Variants in CMSS1 observed in about 807,000 individuals in gnomAD.
CMSS1 encodes protein CMSS1.
In CMSS1, 33 loss-of-function variants were observed where a neutral mutation model predicts 43.5. The observed-to-expected ratio is 0.76, with a 90% CI of 0.57 to 1.01. The LOEUF (loss-of-function observed/expected upper bound fraction) is 1.01. Ranked by LOEUF, CMSS1 falls within the 50% of genes least tolerant of loss-of-function variation. The pLI is 0.00. For missense variants in CMSS1, 313 were observed against 326.4 expected (o/e 0.96, Z 0.32); for synonymous variants, 115 against 117.2 (o/e 0.98, Z 0.12).
chr3:99,921,705 A>G (rs1335991233), intron 1 of CMSS1, among the ~76,000 whole-genome samples: 1 of 152,226 alleles, frequency 6.6e-6, no homozygotes, highest in Non-Finnish European at 1.5e-5. Context: ...AGAATCCTAT[A>G]AAGGAAACTT....
intron 6 of CMSS1, among the ~76,000 whole-genome samples, chr3:100,170,955 C>T (rs2067104860): frequency 6.6e-6 from 1 of 152,168 alleles, no homozygotes; most frequent in Non-Finnish European, 1.5e-5. Context: ...TCAGATTGCA[C>T]ATATAAAAAT....
At chr3:100,068,883 T>G (rs2065713558) in intron 1 of CMSS1, among the ~76,000 whole-genome samples, 1 of 152,190 alleles carries the variant, frequency 6.6e-6, no homozygotes, top group Admixed American at 6.5e-5. Flanking sequence ...TCAGAGGTTA[T>G]TTTGTGAATT....
chr3:100,119,288 A>G (rs1362552039), intron 1 of CMSS1, among the ~76,000 whole-genome samples: 2 of 152,224 alleles, frequency 1.3e-5, no homozygotes, highest in Non-Finnish European at 2.9e-5. Context: ...TTCTTGTAGC[A>G]GAGCTAGATC....
At chr3:100,080,724 A>G (rs1049216612) in intron 1 of CMSS1, among the ~76,000 whole-genome samples, 42 of 152,350 alleles carry the variant, frequency 2.8e-4, no homozygotes, top group African/African-American at 7.7e-4. Context: ...TCTTGGTCAT[A>G]TCAGCTAATT....
At chr3:100,062,257 G>T (rs551489426) in intron 1 of CMSS1, among the ~76,000 whole-genome samples, 1 of 151,220 alleles carries the variant, frequency 6.6e-6, no homozygotes, top group African/African-American at 2.4e-5. Context: ...GACTACAGGC[G>T]CTCGCCACCA....
At chr3:100,123,826 A>T (rs1016983065) in intron 1 of CMSS1, among the ~76,000 whole-genome samples, 17 of 152,238 alleles carry the variant, frequency 1.1e-4, no homozygotes, top group African/African-American at 4.1e-4. Context: ...TAGATCTGCT[A>T]TCATTTTCAC....
intron 1 of CMSS1, among the ~76,000 whole-genome samples, chr3:100,135,301 T>C (rs747874936): frequency 5.9e-5 from 9 of 152,276 alleles, no homozygotes; most frequent in Non-Finnish European, 1.0e-4. Flanking sequence ...CCCCAAAATA[T>C]ATAAATGTTC....
chr3:100,049,402 T>C (rs927697597), intron 1 of CMSS1, among the ~76,000 whole-genome samples: 1 of 152,196 alleles, frequency 6.6e-6, no homozygotes, highest in African/African-American at 2.4e-5. Context: ...TTTTAAAAAA[T>C]CACTCAGCAT....
intron 1 of CMSS1, among the ~76,000 whole-genome samples, chr3:99,964,752 A>AG (rs1273566745): frequency 3.9e-5 from 6 of 152,146 alleles, no homozygotes; most frequent in African/African-American, 1.4e-4. Context: ...CCGAAGAAAG[A>AG]GGTCCCCTAG....
chr3:100,029,611 T>C (rs949270277), intron 1 of CMSS1, among the ~76,000 whole-genome samples: 1 of 152,176 alleles, frequency 6.6e-6, no homozygotes, highest in Non-Finnish European at 1.5e-5. Flanking sequence ...AATAGTCTAA[T>C]CACTAAAATA....
rs538891527 is a variant in CMSS1, at chr3:99,858,725, TGAGA to T, written c.64+40685_64+40688del. On this transcript the variant is annotated intron_variant, in intron 1 of 9. Coordinates refer to ENST00000421999, the MANE Select transcript of CMSS1 (RefSeq NM_032359.4). The stretch of plus-strand genomic sequence containing the variant: ...CTCTGGAAAACTCCATATACACTTC[TGAGA>T]GAATGAGAGAGAAAAAGGTTGTGTT... Among the ~76,000 whole-genome samples, 643 of 152,260 alleles carry T rather than the reference TGAGA, an allele frequency of 4.2e-3. 6 individuals are homozygous for T. The highest frequency in any genetic ancestry group is 0.015 in the African/African-American group (630 of 41,552).
At chr3:99,820,582 C>T (rs1359447398) in intron 1 of CMSS1, among the ~76,000 whole-genome samples, 1 of 152,204 alleles carries the variant, frequency 6.6e-6, no homozygotes, top group Non-Finnish European at 1.5e-5. Flanking sequence ...AAGTATATGC[C>T]TTTATTTGAA....
chr3:99,899,672 T>A (rs542371573), intron 1 of CMSS1, among the ~76,000 whole-genome samples: 15 of 152,342 alleles, frequency 9.8e-5, no homozygotes, highest in African/African-American at 3.4e-4. Context: ...TTATGATAGA[T>A]GCTTTGGACT....
chr3:100,176,510 CAT>C lies in CMSS1; in HGVS notation c.756+96_756+97del, dbSNP rs1178553619. ...AAGTCTTTGACATGAGGAGCCAGCA[CAT>C]GTTAGATTTTGAAATGATTTCTATC... On this transcript the variant is annotated intron_variant, in intron 9 of 9. Coordinates refer to ENST00000421999, the MANE Select transcript of CMSS1 (RefSeq NM_032359.4). 51 of 752,728 alleles carry C rather than the reference CAT, an allele frequency of 6.8e-5. No individual in the cohort carries two copies. The East Asian group carries it at 1.3e-3, about 19-fold the overall frequency. 46.6% of individuals were successfully genotyped at this position (752,728 alleles called of 1,614,324 possible).
chr3:100,138,624 C>G (rs1333917745), intron 1 of CMSS1, among the ~76,000 whole-genome samples: 1 of 152,116 alleles, frequency 6.6e-6, no homozygotes, highest in African/African-American at 2.4e-5. Flanking sequence ...AAATGCAAAT[C>G]AAAACCACAA....
intron 1 of CMSS1, among the ~76,000 whole-genome samples, chr3:99,821,067 CTGTT>C (rs1383772980): frequency 6.6e-6 from 1 of 152,188 alleles, no homozygotes; most frequent in African/African-American, 2.4e-5. Context: ...ATGTGCCTAT[CTGTT>C]TGTTGTCTGT....
intron 1 of CMSS1, among the ~76,000 whole-genome samples, chr3:100,049,732 G>C (rs1206878907): frequency 6.6e-6 from 1 of 152,156 alleles, no homozygotes; most frequent in African/African-American, 2.4e-5. Context: ...TTAACAAATA[G>C]TAAATGTACT....
intron 1 of CMSS1, among the ~76,000 whole-genome samples, chr3:100,143,431 A>G (rs1047935656): frequency 3.3e-5 from 5 of 152,074 alleles, no homozygotes; most frequent in Admixed American, 6.6e-5. Context: ...ATCAATTTCA[A>G]TTCTTTTTAA....
chr3:99,849,302 C>CG, intron 1 of CMSS1: 1 of 1,614,082 alleles, frequency 6.2e-7, no homozygotes, highest in Non-Finnish European at 8.5e-7. Context: ...ACTTGAGGAT[C>CG]GGAAATTCTT....
Sources: allele counts gnomAD v4.1 joint callset (sites outside exome capture counted in the v4.1 genomes callset), GRCh38; gene constraint gnomAD v4.1.1; transcripts MANE v1.5; gene names NCBI Gene and HGNC (gene_info 2026-07-23, HGNC 2026-07-21).